CHD2: variants seen among roughly 807,000 people sequenced by gnomAD.
CHD2 encodes the protein chromodomain helicase DNA binding protein 2.
A neutral mutation model predicts 243.9 loss-of-function variants in CHD2; 28 were observed. That is an observed-to-expected ratio of 0.11 (90% CI 0.09 to 0.16). The LOEUF (loss-of-function observed/expected upper bound fraction) is 0.16, where lower values mean the gene tolerates loss of function less well. Among genes scored for constraint, CHD2 ranks in the 10% least tolerant of loss-of-function variants. The pLI is 1.00. For missense variants in CHD2, 1,386 were observed against 2,209.8 expected (o/e 0.63, Z 7.47); for synonymous variants, 775 against 779.0 (o/e 0.99, Z 0.09).
rs1187767626 is a variant in CHD2, at chr15:92,998,425, T to C, written c.3886-74T>C. The C allele has an allele frequency of 9.5e-6, 15 of 1,581,254 alleles. No individual in the cohort carries two copies. Among genetic ancestry groups the C allele is most frequent in the Non-Finnish European group, 1.2e-5 (14 of 1,158,898 alleles). On this transcript the variant is annotated intron_variant, in intron 30 of 38. Transcript: ENST00000394196. This position sits in a 1 kb window ranked among gnomAD's most constrained non-coding sequence, Gnocchi z 5.1. ...GGGAAAGGACTGTGCTCAGTTTTTGTTGTCTCTGTTTATCCTGATCCACTA... is the reference window on the plus strand; with the variant it reads ...GGGAAAGGACTGTGCTCAGTTTTTGCTGTCTCTGTTTATCCTGATCCACTA...
chr15:92,998,344 A>G lies in CHD2; in HGVS notation c.3886-155A>G. 7.3e-7 allele frequency: 1 copy of G among 1,372,394 alleles called. No homozygotes were observed. The highest frequency in any genetic ancestry group is 2.6e-5 in the Admixed American group (1 of 38,494). 85.0% of individuals were successfully genotyped at this position (1,372,394 alleles called of 1,614,324 possible). ...TCGTGAGGGATTTTCAGTGACTGGG[A>G]GCCATGGACATGAGATAGGATCTGA... is the stretch of plus-strand genomic sequence containing the variant. On this transcript the variant is annotated intron_variant, in intron 30 of 38. Coordinates refer to ENST00000394196, the MANE Select transcript of CHD2 (RefSeq NM_001271.4). The surrounding 1 kb of genome is among the most constrained non-coding windows in gnomAD (Gnocchi z 5.1).
At position 93,002,119 on chromosome 15, in the gene CHD2, G is replaced by A. The variant is rs1332801030; in HGVS notation, c.4138-58G>A. 4 of 1,552,710 alleles carry A rather than the reference G, an allele frequency of 2.6e-6. No individual in the cohort carries two copies. The East Asian group carries it at 9.0e-5, about 35-fold the overall frequency. On this transcript the variant is annotated intron_variant, in intron 32 of 38. Coordinates refer to ENST00000394196, the MANE Select transcript of CHD2 (RefSeq NM_001271.4). ...GGGGCAGTGCTTCTTTTTCCAGAAA[G>A]TACATAAGTAGATATAAAATTTGTA...
chr15:92,972,067 A>T, intron 18 of CHD2, 140 bp downstream of exon 18: 1 of 1,066,284 alleles, frequency 9.4e-7, no homozygotes, highest in Non-Finnish European at 1.3e-6. Flanking sequence ...AGAAAAGGTA[A>T]CTAAGAATGA....
chr15:92,970,409 C>G (rs2053825827), intron 17 of CHD2, among the ~76,000 whole-genome samples: 1 of 152,158 alleles, frequency 6.6e-6, no homozygotes. Flanking sequence ...TCATGTTGGT[C>G]AGGCTGGTCT....
At chr15:92,965,029 G>A (rs1352097138) in intron 16 of CHD2, among the ~76,000 whole-genome samples, 2 of 152,038 alleles carry the variant, frequency 1.3e-5, no homozygotes, top group Non-Finnish European at 2.9e-5. Context: ...CCTTATTAAA[G>A]TAACCTATTT....
chr15:92,936,725 G>A lies in CHD2; in HGVS notation c.444-793G>A, dbSNP rs180695162. On this transcript the variant is annotated intron_variant, in intron 5 of 38. Transcript: ENST00000394196. ...GAGACTTAAAATATCTAGTATAGTG[G>A]TTCTCAGAGTTTCTACCCAGTATCA... 3.9e-5 allele frequency among the ~76,000 whole-genome samples: 6 copies of A among 152,088 alleles called. No homozygotes were observed. In the East Asian group the frequency reaches 1.2e-3, roughly 29 times the overall value.
intron 3 of CHD2, among the ~76,000 whole-genome samples, chr15:92,925,318 G>A (rs2053038586): frequency 6.6e-6 from 1 of 152,192 alleles, no homozygotes. Flanking sequence ...TATTACTCAT[G>A]TAAGAGTACT....
rs919568260 is a variant in CHD2 at position 93,005,364 on chromosome 15, C to T, written c.4413+613C>T. 2.6e-4 allele frequency among the ~76,000 whole-genome samples: 39 copies of T among 152,166 alleles called. 1 individual carries two copies. The highest frequency in any genetic ancestry group is 2.5e-3 in the Admixed American group (38 of 15,294). ...AGGCGATGGGGAGCGAGTGCATGGACCAGGTCTTGCACGGGATTGGATACA... is the reference window on the plus strand; with the variant it reads ...AGGCGATGGGGAGCGAGTGCATGGATCAGGTCTTGCACGGGATTGGATACA... On this transcript the variant is annotated intron_variant, in intron 34 of 38. Coordinates refer to ENST00000394196, the MANE Select transcript of CHD2 (RefSeq NM_001271.4).
chr15:92,901,367 T>G, intron 2 of CHD2, 68 bp downstream of exon 2: 1 of 906,014 alleles, frequency 1.1e-6, no homozygotes, highest in Non-Finnish European at 1.8e-6. Flanking sequence ...TTACAATTGT[T>G]TACCTTGACA....
intron 19 of CHD2, among the ~76,000 whole-genome samples, chr15:92,972,965 G>A (rs1463449599): frequency 6.6e-6 from 1 of 152,142 alleles, no homozygotes; most frequent in Non-Finnish European, 1.5e-5. Context: ...GAAGGTGGGT[G>A]GGGAGGATTA....
chr15:92,908,246 G>T (rs1932996531), intron 2 of CHD2, among the ~76,000 whole-genome samples: 1 of 151,722 alleles, frequency 6.6e-6, no homozygotes, highest in Non-Finnish European at 1.5e-5. Flanking sequence ...ACTGCTCCAT[G>T]GATATAAATG....
intron 5 of CHD2, among the ~76,000 whole-genome samples, chr15:92,933,707 G>A (rs565971370): frequency 2.2e-4 from 33 of 152,290 alleles, no homozygotes; most frequent in Middle Eastern, 6.8e-3. Context: ...CTGGGCTCAA[G>A]TGATTCTCCC....
rs35774813 is a variant in CHD2 at position 93,013,928 on chromosome 15, C to CA, written c.4693-740dup. 5.7e-3 allele frequency among the ~76,000 whole-genome samples: 367 copies of CA among 64,144 alleles called. 35 individuals carry two copies. Among genetic ancestry groups the CA allele is most frequent in the African/African-American group, 0.015 (208 of 14,304 alleles). The allele number at this position is 64,144 out of a possible 152,430, so 42.1% of individuals were successfully genotyped here. On this transcript the variant is annotated intron_variant, in intron 36 of 38. Transcript: ENST00000394196. ...CCTGCGACAGAGTGAGACTCTGTCT[C>CA]AAAAAAAAAAAAAAAAAAAAAAAAA... is the stretch of plus-strand genomic sequence containing the variant.
At chr15:92,976,255 A>C (rs2053906769) in intron 20 of CHD2, among the ~76,000 whole-genome samples, 1 of 152,214 alleles carries the variant, frequency 6.6e-6, no homozygotes. Flanking sequence ...GGCTATATAG[A>C]ACACAAGTTC....
rs1045351387 is a variant in CHD2, at chr15:93,024,485, A to T, written c.5267A>T (p.Gln1756Leu). The T allele has an allele frequency of 1.2e-6, 2 of 1,614,112 alleles. No homozygotes were observed. The highest frequency in any genetic ancestry group is 2.7e-5 in the African/African-American group (2 of 74,918). The change falls in exon 39 of 39, where the codon CAG becomes CTG. Residue 1756 changes from glutamine to leucine, a missense_variant. Around this residue, in one of 19 missense-constraint regions of CHD2, gnomAD observed 347 missense variants for 341.6 expected, o/e 1.02. Coordinates refer to ENST00000394196, the MANE Select transcript of CHD2 (RefSeq NM_001271.4). The part of the protein sequence containing the change: ...DHRPAMGYHG[Q>L]GPSDHYRSFH... ...CGCCCCGCTATGGGCTACCATGGCC[A>T]GGGACCCTCAGACCATTACCGCTCT...
At chr15:92,993,274 A>G in intron 28 of CHD2, 1 of 335,986 alleles carries the variant, frequency 3.0e-6, no homozygotes, top group South Asian at 3.5e-5. Flanking sequence ...GGAGTGATGT[A>G]AAAACCCAGG....
chr15:93,009,110 A>T, intron 34 of CHD2, 35 bp from the exon 35 acceptor site: 1 of 1,602,726 alleles, frequency 6.2e-7, no homozygotes, highest in Non-Finnish European at 8.5e-7. Flanking sequence ...CTTTCTGCAG[A>T]TTGTTTATGT....
chr15:93,009,618 G>A (rs951375389), intron 35 of CHD2, among the ~76,000 whole-genome samples: 2 of 152,062 alleles, frequency 1.3e-5, no homozygotes, highest in African/African-American at 4.8e-5. Context: ...GCCTACAAGG[G>A]GCAAAAATCA....
chr15:92,922,143 C>G (rs1040513516), intron 2 of CHD2, among the ~76,000 whole-genome samples: 23 of 152,048 alleles, frequency 1.5e-4, no homozygotes, highest in Admixed American at 1.3e-3. Flanking sequence ...TCTTTTGGCC[C>G]CCTATGGTAA....
Sources: gnomAD v4.1 joint callset for allele counts (sites outside exome capture counted in the v4.1 genomes callset) on GRCh38, gnomAD v4.1.1 for gene constraint, gnomAD v4.1.1 regional missense constraint, Gnocchi (gnomAD v3.1) non-coding constraint, MANE v1.5 for transcripts, NCBI Gene and HGNC (gene_info 2026-07-23, HGNC 2026-07-21) for gene names.